Variants in CTNND2 observed in about 807,000 individuals in gnomAD.
CTNND2 encodes the protein catenin delta 2, also known as catenin delta-2.
CTNND2 carries 22 observed loss-of-function variants against 144.4 expected under a neutral mutation model. The ratio of observed to expected loss-of-function variants is 0.15; its 90% confidence interval spans 0.11 to 0.22. The LOEUF (loss-of-function observed/expected upper bound fraction) is 0.22. Ranked by LOEUF, CTNND2 falls within the 10% of genes least tolerant of loss-of-function variation. The pLI, the probability that CTNND2 is intolerant of heterozygous loss-of-function variation, is 1.00. For missense variants in CTNND2, 1,353 were observed against 1,618.8 expected (o/e 0.84, Z 2.82); for synonymous variants, 751 against 695.6 (o/e 1.08, Z -1.25).
chr5:11,155,069 G>C (rs1252298848), intron 12 of CTNND2, among the ~76,000 whole-genome samples: 2 of 152,142 alleles, frequency 1.3e-5, no homozygotes, highest in Non-Finnish European at 2.9e-5. Context: ...AAGAATTTTG[G>C]GGGAAGATTT....
chr5:11,707,048 T>TG (rs1423725515), intron 2 of CTNND2, among the ~76,000 whole-genome samples: 2 of 148,874 alleles, frequency 1.3e-5, no homozygotes, highest in Non-Finnish European at 3.0e-5. Context: ...ATCACGCCAC[T>TG]GCACTCCAGC....
intron 14 of CTNND2, among the ~76,000 whole-genome samples, chr5:11,101,925 T>TGTGTGTGTGTGTGTGTG (rs1751935561): frequency 1.2e-5 from 1 of 86,564 alleles, no homozygotes; most frequent in African/African-American, 4.8e-5. Flanking sequence ...GTGTGTGTGT[T>TGTGTGTGTGTGTGTGTG]TACATCTTCA....
intron 1 of CTNND2, among the ~76,000 whole-genome samples, chr5:11,755,802 A>C (rs1252574684): frequency 6.6e-6 from 1 of 151,666 alleles, no homozygotes; most frequent in Non-Finnish European, 1.5e-5. Flanking sequence ...GTTCTTTCTT[A>C]AAATGGCTAT....
At chr5:11,699,335 G>A (rs1423498204) in intron 2 of CTNND2, among the ~76,000 whole-genome samples, 1 of 152,124 alleles carries the variant, frequency 6.6e-6, no homozygotes, top group Non-Finnish European at 1.5e-5. Context: ...ATGGAGGTAG[G>A]AATGGCCTAT....
intron 2 of CTNND2, among the ~76,000 whole-genome samples, chr5:11,711,398 C>T (rs947556953): frequency 2.0e-5 from 3 of 152,092 alleles, no homozygotes; most frequent in Non-Finnish European, 2.9e-5. Context: ...TATATTTAAT[C>T]GGCATAGTCC....
At chr5:10,978,508 G>GA (rs374937403) in intron 21 of CTNND2, among the ~76,000 whole-genome samples, 1 of 151,030 alleles carries the variant, frequency 6.6e-6, no homozygotes, top group Non-Finnish European at 1.5e-5. Context: ...GGAGGGGGGG[G>GA]AACCCTCTCT....
chr5:11,088,999 T>C (rs1192509973), intron 15 of CTNND2, among the ~76,000 whole-genome samples: 1 of 152,222 alleles, frequency 6.6e-6, no homozygotes, highest in Non-Finnish European at 1.5e-5. Context: ...TTGACTTTCA[T>C]AAGAGAACAT....
At chr5:11,279,982 T>C (rs1215135564) in intron 9 of CTNND2, among the ~76,000 whole-genome samples, 1 of 152,148 alleles carries the variant, frequency 6.6e-6, no homozygotes, top group Non-Finnish European at 1.5e-5. Context: ...CCATCTCTAA[T>C]ACAGGGGATT....
At chr5:11,059,679 C>T (rs1006699193) in intron 16 of CTNND2, among the ~76,000 whole-genome samples, 11 of 152,162 alleles carry the variant, frequency 7.2e-5, no homozygotes, top group African/African-American at 2.6e-4. Flanking sequence ...TCATGTCAGT[C>T]ACAGACATTT....
At chr5:10,994,442 A>G (rs1370385770) in intron 18 of CTNND2, among the ~76,000 whole-genome samples, 1 of 30,562 alleles carries the variant, frequency 3.3e-5, no homozygotes, top group Non-Finnish European at 5.9e-5. Flanking sequence ...GGGTGGGGAA[A>G]GAGGAGCGGG....
chr5:11,641,743 T>C lies in CTNND2; in HGVS notation c.175-76687A>G, dbSNP rs1310518360. On this transcript the variant is annotated intron_variant, in intron 2 of 21. Transcript: ENST00000304623. ...ACATATACGTGTGTGTATATACATA[T>C]ACGTGTGTATGTACATACATATACG... Among the ~76,000 whole-genome samples, 116 of 21,890 alleles carry C rather than the reference T, an allele frequency of 5.3e-3. 2 individuals are homozygous for C. Among genetic ancestry groups the C allele is most frequent in the East Asian group, 9.6e-3 (32 of 3,330 alleles). The allele number at this position is 21,890 out of a possible 152,430, so 14.4% of individuals were successfully genotyped here.
At chr5:10,980,206 GAA>G (rs200953630) in intron 21 of CTNND2, among the ~76,000 whole-genome samples, 1,676 of 146,132 alleles carry the variant, frequency 0.011, 23 homozygotes, top group Non-Finnish European at 0.012. Flanking sequence ...AAATTTACAA[GAA>G]AAAAAAAACC....
chr5:11,230,039 A>G (rs1294104868), intron 10 of CTNND2, among the ~76,000 whole-genome samples: 1 of 152,002 alleles, frequency 6.6e-6, no homozygotes, highest in Non-Finnish European at 1.5e-5. Flanking sequence ...AAAAGAATGA[A>G]GAAAGGATTC....
At chr5:11,009,105 T>TGG (rs1166220845) in intron 18 of CTNND2, among the ~76,000 whole-genome samples, 1 of 152,248 alleles carries the variant, frequency 6.6e-6, no homozygotes, top group Admixed American at 6.5e-5. Flanking sequence ...GTATCTTCCC[T>TGG]GGTCTGTGTG....
intron 9 of CTNND2, among the ~76,000 whole-genome samples, chr5:11,278,448 A>G (rs184949963): frequency 9.1e-4 from 138 of 152,348 alleles, no homozygotes; most frequent in African/African-American, 3.1e-3. Context: ...GGAGGAAAAC[A>G]GGAGGGAAGA....
chr5:11,414,600 C>T (rs190195348), intron 3 of CTNND2, among the ~76,000 whole-genome samples: 1 of 152,308 alleles, frequency 6.6e-6, no homozygotes, highest in East Asian at 1.9e-4. Context: ...AACTCAAATT[C>T]TTTTCTTTAA....
intron 12 of CTNND2, among the ~76,000 whole-genome samples, chr5:11,129,335 G>A (rs181103787): frequency 0.014 from 1,212 of 84,018 alleles, 24 homozygotes; most frequent in Non-Finnish European, 0.017. Flanking sequence ...ATATATATAT[G>A]CATCAAAATT....
intron 14 of CTNND2, among the ~76,000 whole-genome samples, chr5:11,099,082 C>T (rs1295025217): frequency 6.6e-6 from 1 of 152,144 alleles, no homozygotes; most frequent in Middle Eastern, 3.2e-3. Flanking sequence ...TTTGATTGAG[C>T]AGTTTGGAAG....
At chr5:11,585,480 ATGTATATCTATC>A (rs767713864) in intron 2 of CTNND2, among the ~76,000 whole-genome samples, 211 of 87,094 alleles carry the variant, frequency 2.4e-3, no homozygotes, top group Middle Eastern at 6.6e-3. Flanking sequence ...TATTTTATCT[ATGTATATCTATC>A]TATCTATCTA....
Sources: allele counts gnomAD v4.1 joint callset (sites outside exome capture counted in the v4.1 genomes callset), GRCh38; gene constraint gnomAD v4.1.1; transcripts MANE v1.5; gene names NCBI Gene and HGNC (gene_info 2026-07-23, HGNC 2026-07-21).